ARHGAP31: variants seen among roughly 807,000 people sequenced by gnomAD.
The protein encoded by ARHGAP31 is Rho GTPase activating protein 31.
In ARHGAP31, 34 loss-of-function variants were observed where a neutral mutation model predicts 113.9. That is an observed-to-expected ratio of 0.30 (90% CI 0.23 to 0.40). The LOEUF is 0.40. ARHGAP31 is among the 10% of genes least tolerant of loss of function. The pLI is 1.00. For synonymous variants in ARHGAP31, 650 were observed against 684.8 expected, an observed-to-expected ratio of 0.95 and a Z score of 0.79; for missense variants, 1,548 against 1,767.1, an observed-to-expected ratio of 0.88 and a Z score of 2.22.
chr3:119,372,144 G>A (rs755217059), intron 3 of ARHGAP31, among the ~76,000 whole-genome samples: 100 of 152,056 alleles, frequency 6.6e-4, no homozygotes, highest in Non-Finnish European at 6.2e-4. Context: ...TTGCTGGGTC[G>A]AATAATAGTT....
chr3:119,295,887 T>A (rs2079530370), intron 1 of ARHGAP31, among the ~76,000 whole-genome samples: 1 of 152,106 alleles, frequency 6.6e-6, no homozygotes, highest in Non-Finnish European at 1.5e-5. Flanking sequence ...ATAGGAAAGT[T>A]GGAAAATTGA....
intron 3 of ARHGAP31, 69 bp from the exon 4 acceptor site, chr3:119,380,835 C>A: frequency 1.5e-6 from 2 of 1,345,640 alleles, no homozygotes; most frequent in East Asian, 2.3e-5. Flanking sequence ...CTTGAGTGAT[C>A]CCAGCACATG....
Position 119,413,914 on chromosome 3 carries a change from T to A in ARHGAP31, c.1985T>A (p.Ile662Asn). The change falls in exon 12 of 12, where the codon ATC becomes AAC. Residue 662 changes from isoleucine to asparagine, a missense_variant. By Grantham distance (149) the Ile-to-Asn change is moderately radical. Transcript: ENST00000264245. The part of the protein sequence containing the change: ...IWPEIQQELK[I>N]IESEEELSSL... ...CCTGAGATTCAACAGGAGCTGAAAA[T>A]CATTGAATCTGAGGAGGAGCTCTCA... 1 of 1,614,156 alleles carries A rather than the reference T, an allele frequency of 6.2e-7. No homozygotes were observed. Among genetic ancestry groups the A allele is most frequent in the South Asian group, 1.1e-5 (1 of 91,082 alleles).
intron 1 of ARHGAP31, among the ~76,000 whole-genome samples, chr3:119,351,462 CTGTT>C (rs2107616851): frequency 6.6e-6 from 1 of 152,284 alleles, no homozygotes; most frequent in Admixed American, 6.5e-5. Context: ...TTGCCACTAG[CTGTT>C]TGAGCTTGGA....
intron 7 of ARHGAP31, 97 bp downstream of exon 7, chr3:119,391,080 G>A (rs966057463): frequency 1.0e-5 from 14 of 1,360,760 alleles, no homozygotes; most frequent in Non-Finnish European, 1.3e-5. Flanking sequence ...GGCAGTGTGG[G>A]TTGGAGGTAC....
intron 1 of ARHGAP31, among the ~76,000 whole-genome samples, chr3:119,333,065 T>A (rs1020401226): frequency 2.6e-5 from 4 of 152,220 alleles, no homozygotes; most frequent in African/African-American, 9.7e-5. Flanking sequence ...CCCAGGCTCA[T>A]CAGATCCCAG....
chr3:119,382,426 C>A, intron 5 of ARHGAP31, 27 bp downstream of exon 5: 1 of 1,598,616 alleles, frequency 6.3e-7, no homozygotes, highest in Non-Finnish European at 8.6e-7. Flanking sequence ...CCCCTTGTCA[C>A]CAGCCCAGGG....
At chr3:119,335,711 G>C (rs1205584408) in intron 1 of ARHGAP31, among the ~76,000 whole-genome samples, 1 of 152,196 alleles carries the variant, frequency 6.6e-6, no homozygotes, top group East Asian at 1.9e-4. Flanking sequence ...GATAGCCTTG[G>C]GGGCAGTGTC....
chr3:119,354,665 C>T (rs1050797854), intron 1 of ARHGAP31, among the ~76,000 whole-genome samples: 1 of 150,408 alleles, frequency 6.6e-6, no homozygotes, highest in Admixed American at 6.6e-5. Flanking sequence ...GCACCCGCCA[C>T]CATGCCGGGC....
chr3:119,300,684 T>C lies in ARHGAP31; in HGVS notation c.100+5680T>C, dbSNP rs181290424. ...TCTCTACTAAAAATACAAAAAAAAA[T>C]TAGCTGAGTGGCGGGGTCTGTTATC... is the stretch of plus-strand genomic sequence containing the variant. On this transcript the variant is annotated intron_variant, in intron 1 of 11. Coordinates refer to ENST00000264245, the MANE Select transcript of ARHGAP31 (RefSeq NM_020754.4). Among the ~76,000 whole-genome samples, 69 of 151,456 alleles carry C rather than the reference T, an allele frequency of 4.6e-4. No homozygotes were observed. The East Asian group carries it at 0.012, about 26-fold the overall frequency.
chr3:119,319,583 C>T (rs1234606726), intron 1 of ARHGAP31, among the ~76,000 whole-genome samples: 3 of 152,126 alleles, frequency 2.0e-5, no homozygotes, highest in African/African-American at 7.2e-5. Flanking sequence ...CAAACATTTG[C>T]GCTTATTTCA....
chr3:119,344,763 C>G (rs2080039225), intron 1 of ARHGAP31, among the ~76,000 whole-genome samples: 1 of 151,798 alleles, frequency 6.6e-6, no homozygotes, highest in African/African-American at 2.4e-5. Context: ...TCCCAAGTAG[C>G]TGAGACCACA....
intron 3 of ARHGAP31, among the ~76,000 whole-genome samples, chr3:119,368,871 A>G (rs113788887): frequency 0.066 from 10,106 of 152,280 alleles, 516 homozygotes; most frequent in South Asian, 0.18. Context: ...GAGACTCCTC[A>G]TGCTACACCC....
intron 1 of ARHGAP31, among the ~76,000 whole-genome samples, chr3:119,363,898 C>T (rs1396436480): frequency 1.3e-5 from 2 of 152,148 alleles, no homozygotes; most frequent in Non-Finnish European, 2.9e-5. Context: ...ACCTCAGAGC[C>T]TTCAGTGGGT....
intron 8 of ARHGAP31, among the ~76,000 whole-genome samples, chr3:119,397,889 T>C (rs80056458): frequency 0.015 from 2,345 of 152,350 alleles, 66 homozygotes; most frequent in African/African-American, 0.054. Context: ...TTATTACTTT[T>C]TAATGGGTAC....
chr3:119,310,456 A>T (rs2079669731), intron 1 of ARHGAP31, among the ~76,000 whole-genome samples: 1 of 152,212 alleles, frequency 6.6e-6, no homozygotes, highest in Non-Finnish European at 1.5e-5. Context: ...GGTATGATCC[A>T]TGGTCCCTTA....
At position 119,414,273 on chromosome 3, in the gene ARHGAP31, C is replaced by T; in HGVS notation, c.2344C>T (p.Pro782Ser). 6.2e-7 allele frequency: 1 copy of T among 1,614,186 alleles called. No homozygotes were observed. Among genetic ancestry groups the T allele is most frequent in the African/African-American group, 1.3e-5 (1 of 75,042 alleles). ...CCCAGGCAATCTGTCTCCTCCACTC[C>T]CACCTGCTCCTCCCCCTCCAACTCC... ...GGPGNLSPPL[P>S]PAPPPPTPLE... The change falls in exon 12 of 12, where the codon CCA becomes TCA. Residue 782 changes from proline (P) to serine (S), a missense_variant. By Grantham distance (74) the Pro-to-Ser change is moderately conservative. Transcript: ENST00000264245.
At chr3:119,330,173 T>C (rs1474595092) in intron 1 of ARHGAP31, among the ~76,000 whole-genome samples, 3 of 152,228 alleles carry the variant, frequency 2.0e-5, no homozygotes, top group East Asian at 1.9e-4. Flanking sequence ...GTTGGGAGAA[T>C]GTAGAGGGTG....
intron 3 of ARHGAP31, among the ~76,000 whole-genome samples, chr3:119,370,196 AAGGTGTG>A (rs1371100801): frequency 6.6e-6 from 1 of 152,178 alleles, no homozygotes; most frequent in African/African-American, 2.4e-5. Flanking sequence ...ACCAAGAAGA[AAGGTGTG>A]AGCTTCATGT....
Sources: gnomAD v4.1 joint callset for allele counts (sites outside exome capture counted in the v4.1 genomes callset) on GRCh38, gnomAD v4.1.1 for gene constraint, MANE v1.5 for transcripts, NCBI Gene and HGNC (gene_info 2026-07-23, HGNC 2026-07-21) for gene names.